RNF213: variants seen among roughly 807,000 people sequenced by gnomAD.
RNF213 encodes the protein E3 ubiquitin-protein ligase RNF213.
RNF213 carries 341 observed loss-of-function variants against 514.4 expected under a neutral mutation model. The ratio of observed to expected loss-of-function variants is 0.66; its 90% CI spans 0.61 to 0.73. RNF213 has a LOEUF of 0.73. Among genes scored for constraint, RNF213 ranks in the 30% least tolerant of loss-of-function variants. The probability of loss-of-function intolerance (pLI) is 0.00; values close to 1 mark genes in which losing one functional copy is unlikely to be tolerated. For missense variants in RNF213, 5,767 were observed against 6,615.6 expected (o/e 0.87, Z 4.45); for synonymous variants, 2,655 against 2,658.2 (o/e 1.00, Z 0.04).
At position 80,375,866 on chromosome 17, in the gene RNF213, C is replaced by T. The variant is rs2079734686; in HGVS notation, c.13181C>T (p.Pro4394Leu). The change falls in exon 51 of 68, where the codon CCA becomes CTA. Residue 4394 changes from proline (P) to leucine (L), a missense_variant. Pro to Leu is a moderately conservative substitution (Grantham distance 98). This residue lies in a region of RNF213 where 1,245 missense variants were observed against 1,339.0 expected (regional missense o/e 0.93). Transcript: ENST00000582970. ...CACAATGCAAGCCTCCACCCCACGC[C>T]AGAGGTGAGTAACCGCCTGCAGGGC... ...RSHNASLHPTPEQCEAVSKFI... is the reference protein window; with the variant it reads ...RSHNASLHPTLEQCEAVSKFI... 2 of 1,602,838 alleles carry T rather than the reference C, an allele frequency of 1.2e-6. No individual in the cohort carries two copies. The highest frequency in any genetic ancestry group is 1.7e-5 in the Admixed American group (1 of 60,002).
rs1300248416 is a variant in RNF213, at chr17:80,288,227, C to A, written c.674C>A (p.Thr225Asn). Residue 225 changes from threonine (T) to asparagine (N), a missense_variant, in exon 4 of 68, where the codon ACC (threonine) becomes AAC (asparagine). Transcript: ENST00000582970. The surrounding 1 kb of genome is among the most constrained non-coding windows in gnomAD (Gnocchi z 4.9). Reference protein sequence around the residue: ...GLSQEGTGPPTSAGEGHSRTE... With the variant: ...GLSQEGTGPPNSAGEGHSRTE... The stretch of plus-strand genomic sequence containing the variant: ...TCCCAGGAGGGGACCGGTCCCCCCA[C>A]CTCTGCTGGTGAAGGCCATTCTAGG... The A allele has an allele frequency of 1.2e-6, 2 of 1,613,180 alleles. No homozygotes were observed. Among genetic ancestry groups the A allele is most frequent in the Non-Finnish European group, 1.7e-6 (2 of 1,179,964 alleles).
Position 80,352,324 on chromosome 17 carries a change from T to G in RNF213, c.10303+521T>G, listed in dbSNP as rs925772132. 2.3e-5 allele frequency: 5 copies of G among 213,980 alleles called. No homozygotes were observed. The South Asian group carries it at 4.6e-4, about 20-fold the overall frequency. 13.3% of individuals were successfully genotyped at this position (213,980 alleles called of 1,614,324 possible). On this transcript the variant is annotated intron_variant, in intron 32 of 67. Transcript: ENST00000582970. ...ATGAATCCTGGGATGGGAGGCTGCG[T>G]GCACCTCTCCTGGACTGACTCTAGG... is the stretch of plus-strand genomic sequence containing the variant.
At chr17:80,269,073 C>T (rs982431291) in intron 2 of RNF213, among the ~76,000 whole-genome samples, 13 of 152,160 alleles carry the variant, frequency 8.5e-5, no homozygotes, top group African/African-American at 2.9e-4. Flanking sequence ...GAGGAAGCAT[C>T]CAGCATAGGA....
At chr17:80,304,139 A>G (rs913038338) in intron 11 of RNF213, among the ~76,000 whole-genome samples, 1 of 152,024 alleles carries the variant, frequency 6.6e-6, no homozygotes, top group African/African-American at 2.4e-5. Context: ...TAAAGATCCA[A>G]TCGTTCAGGT....
intron 56 of RNF213, chr17:80,381,300 G>A: frequency 3.3e-6 from 2 of 600,466 alleles, no homozygotes; most frequent in East Asian, 2.9e-5. Flanking sequence ...GGAAGAAAGA[G>A]CACACTGCAT....
At position 80,354,695 on chromosome 17, in the gene RNF213, T is replaced by C. The variant is rs896085183; in HGVS notation, c.10862+119T>C. The C allele has an allele frequency of 3.1e-6, 4 of 1,295,578 alleles. No homozygotes were observed. The African/African-American group carries it at 4.4e-5, about 14-fold the overall frequency. The allele number at this position is 1,295,578 out of a possible 1,614,324, so 80.3% of individuals were successfully genotyped here. On this transcript the variant is annotated intron_variant, in intron 36 of 67. Transcript: ENST00000582970. ...ACTGAGCTGTTTCTTTCCAAACCTC[T>C]CAGCCATTCAAAGCTGTAAAGTTTT... is the stretch of plus-strand genomic sequence containing the variant.
intron 29 of RNF213, among the ~76,000 whole-genome samples, chr17:80,349,451 C>T (rs1192322690): frequency 2.6e-5 from 4 of 152,136 alleles, no homozygotes; most frequent in Non-Finnish European, 4.4e-5. Context: ...CAGGAAATGG[C>T]ATTTGTGCTG....
chr17:80,325,000 A>G (rs561432866), intron 17 of RNF213, 30 bp from the exon 18 acceptor site: 1 of 1,532,034 alleles, frequency 6.5e-7, no homozygotes, highest in South Asian at 1.2e-5. Context: ...AAAACTTCTA[A>G]ATGTCCCTCT....
At chr17:80,390,735 A>C (rs1013458259) in intron 67 of RNF213, among the ~76,000 whole-genome samples, 1 of 152,140 alleles carries the variant, frequency 6.6e-6, no homozygotes, top group Non-Finnish European at 1.5e-5. Context: ...CAAGTAGACT[A>C]TGTCAAAGAG....
At position 80,347,160 on chromosome 17, in the gene RNF213, T is replaced by G; in HGVS notation, c.8825T>G (p.Val2942Gly). Residue 2942 changes from valine (V) to glycine (G), a missense_variant, in exon 29 of 68, where the codon GTG (valine) becomes GGG (glycine). Around this residue, in one of 13 missense-constraint regions of RNF213, gnomAD observed 919 missense variants for 1,121.0 expected, o/e 0.82. Coordinates refer to ENST00000582970, the MANE Select transcript of RNF213 (RefSeq NM_001256071.3). This position sits in a 1 kb window ranked among gnomAD's most constrained non-coding sequence, Gnocchi z 7.2. Reference sequence around the variant, plus strand: ...TCCTTTGCCAAAGCCTACGAAACGGTGTGTAAGCGCCAGGACAAGGAATTC... The same window carrying G: ...TCCTTTGCCAAAGCCTACGAAACGGGGTGTAAGCGCCAGGACAAGGAATTC... Reference protein sequence around the residue: ...FASFAKAYETVCKRQDKEFFG... With the variant: ...FASFAKAYETGCKRQDKEFFG... 6.2e-7 allele frequency: 1 copy of G among 1,613,860 alleles called. No individual in the cohort carries two copies. Among genetic ancestry groups the G allele is most frequent in the Non-Finnish European group, 8.5e-7 (1 of 1,179,958 alleles).
Position 80,386,910 on chromosome 17 carries a change from A to C in RNF213, c.14922+19A>C. The stretch of plus-strand genomic sequence containing the variant: ...CCTCAAGGTAGGGCTGACTCCTGCC[A>C]CTGCTGCTCATTTGGTGTGTCTGTT... On this transcript the variant is annotated intron_variant, in intron 63 of 67. Coordinates refer to ENST00000582970, the MANE Select transcript of RNF213 (RefSeq NM_001256071.3). The C allele has an allele frequency of 6.3e-7, 1 of 1,599,680 alleles. No individual in the cohort carries two copies. Among genetic ancestry groups the C allele is most frequent in the Non-Finnish European group, 8.5e-7 (1 of 1,173,030 alleles).
Position 80,346,827 on chromosome 17 carries a change from GGAAGGACC to G in RNF213, c.8493_8500del (p.Lys2832AlafsTer11), listed in dbSNP as rs1463787516. Reference sequence around the variant, plus strand: ...CGGCAGTGCGCCCGCTTTCAGCAGGGGAAGGACCTGCAGCAGTACGTCTCTGTGGTGGT... The same window carrying G: ...CGGCAGTGCGCCCGCTTTCAGCAGGGTGCAGCAGTACGTCTCTGTGGTGGT... On this transcript the variant is annotated frameshift_variant, in exon 29 of 68. Coordinates refer to ENST00000582970, the MANE Select transcript of RNF213 (RefSeq NM_001256071.3). LOFTEE classifies it high-confidence loss of function. This position sits in a 1 kb window ranked among gnomAD's most constrained non-coding sequence, Gnocchi z 8.1. 1 of 1,614,028 alleles carries G rather than the reference GGAAGGACC, an allele frequency of 6.2e-7. No homozygotes were observed. Among genetic ancestry groups the G allele is most frequent in the African/African-American group, 1.3e-5 (1 of 74,908 alleles).
chr17:80,345,109 G>A lies in RNF213; in HGVS notation c.6774G>A (p.Met2258Ile), dbSNP rs761572217. 6.2e-7 allele frequency: 1 copy of A among 1,614,048 alleles called. No homozygotes were observed. Among genetic ancestry groups the A allele is most frequent in the South Asian group, 1.1e-5 (1 of 91,070 alleles). ...KKFVVTFMIF[M>I]ARDFATPSLH... ...TCGTGGTGACCTTCATGATCTTTAT[G>A]GCAAGAGATTTTGCCACACCATCAC... Residue 2258 changes from methionine (M) to isoleucine (I), a missense_variant, in exon 29 of 68, where the codon ATG (methionine) becomes ATA (isoleucine). Met to Ile is a conservative substitution (Grantham distance 10, BLOSUM62 1). Coordinates refer to ENST00000582970, the MANE Select transcript of RNF213 (RefSeq NM_001256071.3). The surrounding 1 kb of genome is among the most constrained non-coding windows in gnomAD (Gnocchi z 6.0).
chr17:80,340,454 C>T (rs947178110), intron 26 of RNF213, 98 bp downstream of exon 26: 2 of 1,224,832 alleles, frequency 1.6e-6, no homozygotes, highest in Non-Finnish European at 2.3e-6. Context: ...GGTGGAGAAA[C>T]CGAGGCTCAG....
At position 80,353,839 on chromosome 17, in the gene RNF213, A is replaced by G; in HGVS notation, c.10578+173A>G. ...TCTTGTTGCTGGTTACTGGGGGTCA[A>G]GGGCATCTGCACCGGCAGTTTGGGG... is the stretch of plus-strand genomic sequence containing the variant. On this transcript the variant is annotated intron_variant, in intron 34 of 67. Transcript: ENST00000582970. The surrounding 1 kb of genome is among the most constrained non-coding windows in gnomAD (Gnocchi z 5.0). The G allele has an allele frequency of 8.3e-7, 1 of 1,202,770 alleles. No homozygotes were observed. Among genetic ancestry groups the G allele is most frequent in the South Asian group, 1.3e-5 (1 of 77,784 alleles). The allele number at this position is 1,202,770 out of a possible 1,614,324, so 74.5% of individuals were successfully genotyped here.
chr17:80,349,317 G>A (rs1482193381), intron 29 of RNF213, among the ~76,000 whole-genome samples: 2 of 152,192 alleles, frequency 1.3e-5, no homozygotes, highest in Non-Finnish European at 2.9e-5. Flanking sequence ...AGCAGGCCTC[G>A]AGGAACGTTT....
At chr17:80,358,662 G>A (rs1340865096) in intron 37 of RNF213, among the ~76,000 whole-genome samples, 183 bp downstream of exon 37, 2 of 152,206 alleles carry the variant, frequency 1.3e-5, no homozygotes, top group African/African-American at 4.8e-5. Flanking sequence ...TGTAATCCCA[G>A]CACTTTGGGA....
chr17:80,385,503 A>G lies in RNF213; in HGVS notation c.14456-35A>G, dbSNP rs544380790. 286 of 1,596,540 alleles carry G rather than the reference A, an allele frequency of 1.8e-4. 4 individuals carry two copies. In the South Asian group the frequency reaches 3.0e-3, roughly 17 times the overall value. On this transcript the variant is annotated intron_variant, in intron 60 of 67. Transcript: ENST00000582970. The stretch of plus-strand genomic sequence containing the variant: ...GGTTTGGCCCTTTCAGGGGGTTGCT[A>G]TCATACGGTTCTTACCAAGTATTCT...
chr17:80,388,112 C>T (rs1359331281), intron 63 of RNF213, among the ~76,000 whole-genome samples: 1 of 152,088 alleles, frequency 6.6e-6, no homozygotes, highest in East Asian at 1.9e-4. Context: ...TACAGGCGCC[C>T]GCCACCATGC....
Sources: gnomAD v4.1 joint callset for allele counts (sites outside exome capture counted in the v4.1 genomes callset) on GRCh38, gnomAD v4.1.1 for gene constraint, gnomAD v4.1.1 regional missense constraint, Gnocchi (gnomAD v3.1) non-coding constraint, MANE v1.5 for transcripts, NCBI Gene and HGNC (gene_info 2026-07-23, HGNC 2026-07-21) for gene names.